Variants in LYNX1 observed in about 807,000 individuals in gnomAD.
LYNX1 encodes the protein Ly6/neurotoxin 1.
A neutral mutation model predicts 8.3 loss-of-function variants in LYNX1; 8 were observed. The ratio of observed to expected loss-of-function variants is 0.97; its 90% confidence interval spans 0.57 to 1.74. The LOEUF is 1.74. Among genes scored for constraint, LYNX1 ranks in the 40% most tolerant of loss-of-function variants. The pLI, the probability that LYNX1 is intolerant of heterozygous loss-of-function variation, is 0.00. For synonymous variants in LYNX1, 73 were observed against 67.9 expected (o/e 1.08, Z -0.37); for missense variants, 158 against 159.7 (o/e 0.99, Z 0.06).
Position 142,772,659 on chromosome 8 carries a change from C to T in LYNX1, c.*2508G>A. On this transcript the variant is annotated 3_prime_UTR_variant, in exon 4 of 4. Transcript: ENST00000652477. ...TCAGGGCCACAGTGCAGTGGGGGGA[C>T]CCACGTCCATCGCCACCTTGATGCA... The T allele has an allele frequency of 1.0e-6, 1 of 985,530 alleles. No homozygotes were observed. The highest frequency in any genetic ancestry group is 1.2e-6 in the Non-Finnish European group (1 of 830,004). 61.0% of individuals were successfully genotyped at this position (985,530 alleles called of 1,614,324 possible). A position where few individuals can be genotyped will look rare whatever the true frequency, so the allele number is the denominator to read the frequency against.
Position 142,774,271 on chromosome 8 carries a change from T to A in LYNX1, c.*896A>T. 2.0e-6 allele frequency: 2 copies of A among 985,220 alleles called. No individual in the cohort carries two copies. The highest frequency in any genetic ancestry group is 2.4e-6 in the Non-Finnish European group (2 of 829,892). The allele number at this position is 985,220 out of a possible 1,614,324, so 61.0% of individuals were successfully genotyped here. On this transcript the variant is annotated 3_prime_UTR_variant, in exon 4 of 4. Coordinates refer to ENST00000652477, the MANE Select transcript of LYNX1 (RefSeq NM_177477.4). ...TCCCAACCCCCAGCCTGTGCGCGCA[T>A]CCCCCAGTCCTGCGTCTTTTGCCTT...
At position 142,775,201 on chromosome 8, in the gene LYNX1, G is replaced by GGGGCCA. The variant is rs777615862; in HGVS notation, c.311_316dup (p.Leu104_Ala105dup). ...ACCCCAGAGGGTGGCCAGGAGGATG[G>GGGGCCA]GGGCCAGGGCCAGGGTGGCCGGGGT... On this transcript the variant is annotated inframe_insertion, in exon 4 of 4. Coordinates refer to ENST00000652477, the MANE Select transcript of LYNX1 (RefSeq NM_177477.4). 7 of 1,612,824 alleles carry GGGGCCA rather than the reference G, an allele frequency of 4.3e-6. No individual in the cohort carries two copies. The South Asian group carries it at 7.7e-5, about 18-fold the overall frequency.
chr8:142,772,591 G>C lies in LYNX1; in HGVS notation c.*2576C>G. On this transcript the variant is annotated 3_prime_UTR_variant, in exon 4 of 4. Transcript: ENST00000652477. ...TGCCTCTGTGTCCTCCTCTGTCAAA[G>C]GGGCAAGATAATGGCTCCCATTGCC... 1 of 985,614 alleles carries C rather than the reference G, an allele frequency of 1.0e-6. No individual in the cohort carries two copies. The highest frequency in any genetic ancestry group is 4.7e-5 in the South Asian group (1 of 21,296). The allele number at this position is 985,614 out of a possible 1,614,324, so 61.1% of individuals were successfully genotyped here.
At position 142,772,540 on chromosome 8, in the gene LYNX1, T is replaced by C. The variant is rs1162922219; in HGVS notation, c.*2627A>G. 2.0e-6 allele frequency: 2 copies of C among 985,384 alleles called. No homozygotes were observed. Among genetic ancestry groups the C allele is most frequent in the Non-Finnish European group, 2.4e-6 (2 of 829,996 alleles). The allele number at this position is 985,384 out of a possible 1,614,324, so 61.0% of individuals were successfully genotyped here. On this transcript the variant is annotated 3_prime_UTR_variant, in exon 4 of 4. Transcript: ENST00000652477. ...TGGTGAGTGAGCGAGGAGGCACTAG[T>C]GTGGGGCAGCTACTTCACCTCCCTG...
At position 142,775,951 on chromosome 8, in the gene LYNX1, G is replaced by C; in HGVS notation, c.7C>G (p.Pro3Ala). The C allele has an allele frequency of 6.2e-7, 1 of 1,614,126 alleles. No individual in the cohort carries two copies. The highest frequency in any genetic ancestry group is 1.1e-5 in the South Asian group (1 of 91,084). Residue 3 changes from proline (P) to alanine (A), a missense_variant, in exon 2 of 4, where the codon CCC becomes GCC. Pro to Ala is a conservative substitution (Grantham distance 27). Coordinates refer to ENST00000652477, the MANE Select transcript of LYNX1 (RefSeq NM_177477.4). MTPLLTLILVVLM... is the reference protein window; with the variant it reads MTALLTLILVVLM... The stretch of plus-strand genomic sequence containing the variant: ...ACCACCAGGATCAGGGTGAGCAGGG[G>C]CGTCATGGCTGCAGGCAGGAGGGCA...
chr8:142,774,985 C>T lies in LYNX1; in HGVS notation c.*182G>A. 2 of 1,434,386 alleles carry T rather than the reference C, an allele frequency of 1.4e-6. No homozygotes were observed. Among genetic ancestry groups the T allele is most frequent in the Non-Finnish European group, 1.8e-6 (2 of 1,098,622 alleles). 88.9% of individuals were successfully genotyped at this position (1,434,386 alleles called of 1,614,324 possible). A position where few individuals can be genotyped will look rare whatever the true frequency, so the allele number is the denominator to read the frequency against. On this transcript the variant is annotated 3_prime_UTR_variant, in exon 4 of 4. Coordinates refer to ENST00000652477, the MANE Select transcript of LYNX1 (RefSeq NM_177477.4). ...CCCACACAGCATCGAAAGGTCAAGGCCTCGAAGTGAGGTCGTGTGGTGGTT... is the reference window on the plus strand; with the variant it reads ...CCCACACAGCATCGAAAGGTCAAGGTCTCGAAGTGAGGTCGTGTGGTGGTT...
Position 142,771,892 on chromosome 8 carries a change from G to C in LYNX1, c.*3275C>G, listed in dbSNP as rs770401341. ...GACCCCAGGACAGACCAGAGCTCCT[G>C]CTGGAGCCGGGTGTCCCCATGCTGA... On this transcript the variant is annotated 3_prime_UTR_variant, in exon 4 of 4. Coordinates refer to ENST00000652477, the MANE Select transcript of LYNX1 (RefSeq NM_177477.4). 1.1e-5 allele frequency: 11 copies of C among 985,956 alleles called. No individual in the cohort carries two copies. The highest frequency in any genetic ancestry group is 1.7e-5 in the African/African-American group (1 of 57,328). 61.1% of individuals were successfully genotyped at this position (985,956 alleles called of 1,614,324 possible).
At chr8:142,776,209 G>A in intron 1 of LYNX1, 88 bp from the exon 2 acceptor site, 2 of 550,010 alleles carry the variant, frequency 3.6e-6, no homozygotes, top group South Asian at 2.0e-5. Context: ...GGGCAGAGGG[G>A]CCACCTAACT....
Position 142,774,570 on chromosome 8 carries a change from C to T in LYNX1, c.*597G>A, listed in dbSNP as rs61608258. On this transcript the variant is annotated 3_prime_UTR_variant, in exon 4 of 4. Coordinates refer to ENST00000652477, the MANE Select transcript of LYNX1 (RefSeq NM_177477.4). ...GCCCTGGGGCCTGCTGAGGCAGAGCCGCCCCCTCCCCTGCAGGGGGTGGCT... is the reference window on the plus strand; with the variant it reads ...GCCCTGGGGCCTGCTGAGGCAGAGCTGCCCCCTCCCCTGCAGGGGGTGGCT... 3,822 of 985,774 alleles carry T rather than the reference C, an allele frequency of 3.9e-3. 112 individuals are homozygous for T. The African/African-American group carries it at 0.06, about 15-fold the overall frequency. 61.1% of individuals were successfully genotyped at this position (985,774 alleles called of 1,614,324 possible).
chr8:142,771,535 G>T lies in LYNX1; in HGVS notation c.*3632C>A. The T allele has an allele frequency of 1.0e-6, 1 of 985,398 alleles. No homozygotes were observed. Among genetic ancestry groups the T allele is most frequent in the Non-Finnish European group, 1.2e-6 (1 of 829,942 alleles). 61.0% of individuals were successfully genotyped at this position (985,398 alleles called of 1,614,324 possible). ...CTCTGTCCACCCTTCTGTCTGGGAG[G>T]CTCCTTAAGGCTGGGGAGGGCCCAG... On this transcript the variant is annotated 3_prime_UTR_variant, in exon 4 of 4. Transcript: ENST00000652477.
rs1053853956 is a variant in LYNX1, at chr8:142,774,025, G to A, written c.*1142C>T. ...CAGGCCTGGGGTGGGGTCCCTGGGA[G>A]TCCACACACCCAGCTGGGGCTTCCA... is the stretch of plus-strand genomic sequence containing the variant. On this transcript the variant is annotated 3_prime_UTR_variant, in exon 4 of 4. Coordinates refer to ENST00000652477, the MANE Select transcript of LYNX1 (RefSeq NM_177477.4). 3 of 985,418 alleles carry A rather than the reference G, an allele frequency of 3.0e-6. No homozygotes were observed. The highest frequency in any genetic ancestry group is 1.2e-4 in the Admixed American group (2 of 16,270). 61.0% of individuals were successfully genotyped at this position (985,418 alleles called of 1,614,324 possible). A position where few individuals can be genotyped will look rare whatever the true frequency, so the allele number is the denominator to read the frequency against.
rs1815350926 is a variant in LYNX1 at position 142,775,187 on chromosome 8, TGGCCAGGAGGATGGGGGCCAG to T, written c.310_330del (p.Leu104_Ala110del). ...GGGCTTTAGAGGAGACCCCAGAGGG[TGGCCAGGAGGATGGGGGCCAG>T]GGCCAGGGTGGCCGGGGTGGCAAGG... On this transcript the variant is annotated inframe_deletion, in exon 4 of 4. Coordinates refer to ENST00000652477, the MANE Select transcript of LYNX1 (RefSeq NM_177477.4). The T allele has an allele frequency of 6.2e-7, 1 of 1,611,722 alleles. No homozygotes were observed. The highest frequency in any genetic ancestry group is 1.3e-5 in the African/African-American group (1 of 74,820).
At position 142,774,277 on chromosome 8, in the gene LYNX1, A is replaced by G; in HGVS notation, c.*890T>C. ...CCCCCAGCCTGTGCGCGCATCCCCCAGTCCTGCGTCTTTTGCCTTGCTCGG... is the reference window on the plus strand; with the variant it reads ...CCCCCAGCCTGTGCGCGCATCCCCCGGTCCTGCGTCTTTTGCCTTGCTCGG... On this transcript the variant is annotated 3_prime_UTR_variant, in exon 4 of 4. Transcript: ENST00000652477. 1 of 985,140 alleles carries G rather than the reference A, an allele frequency of 1.0e-6. No homozygotes were observed. Among genetic ancestry groups the G allele is most frequent in the South Asian group, 4.7e-5 (1 of 21,274 alleles). The allele number at this position is 985,140 out of a possible 1,614,324, so 61.0% of individuals were successfully genotyped here. A position where few individuals can be genotyped will look rare whatever the true frequency, so the allele number is the denominator to read the frequency against.
Position 142,773,931 on chromosome 8 carries a change from G to A in LYNX1, c.*1236C>T. 1 of 985,424 alleles carries A rather than the reference G, an allele frequency of 1.0e-6. No homozygotes were observed. The highest frequency in any genetic ancestry group is 5.2e-4 in the Middle Eastern group (1 of 1,918). The allele number at this position is 985,424 out of a possible 1,614,324, so 61.0% of individuals were successfully genotyped here. A position where few individuals can be genotyped will look rare whatever the true frequency, so the allele number is the denominator to read the frequency against. On this transcript the variant is annotated 3_prime_UTR_variant, in exon 4 of 4. Coordinates refer to ENST00000652477, the MANE Select transcript of LYNX1 (RefSeq NM_177477.4). ...GCCCCCGAATGCCCCATTCACAGCA[G>A]GGGCAGGTGCTCCCTGGGCTACCTG...
At position 142,774,184 on chromosome 8, in the gene LYNX1, G is replaced by T; in HGVS notation, c.*983C>A. 4 of 734,476 alleles carry T rather than the reference G, an allele frequency of 5.4e-6. No homozygotes were observed. Among genetic ancestry groups the T allele is most frequent in the Non-Finnish European group, 6.2e-6 (4 of 647,464 alleles). The allele number at this position is 734,476 out of a possible 1,614,324, so 45.5% of individuals were successfully genotyped here. On this transcript the variant is annotated 3_prime_UTR_variant, in exon 4 of 4. Transcript: ENST00000652477. ...ACCCTCCCCACTCCCGCCCCCGCAC[G>T]GCCACGAGAGGGTGGCATGCTCCGC...
At position 142,775,968 on chromosome 8, in the gene LYNX1, A is replaced by G. The variant is rs755732033; in HGVS notation, c.-11T>C. ...GAGCAGGGGCGTCATGGCTGCAGGC[A>G]GGAGGGCAGCGTGGGAGTGGGGAGG... On this transcript the variant is annotated 5_prime_UTR_variant, in exon 2 of 4. Transcript: ENST00000652477. The G allele has an allele frequency of 1.5e-5, 25 of 1,613,820 alleles. No homozygotes were observed. Among genetic ancestry groups the G allele is most frequent in the Non-Finnish European group, 1.9e-5 (23 of 1,180,026 alleles).
At position 142,771,483 on chromosome 8, in the gene LYNX1, C is replaced by T. The variant is rs779900586; in HGVS notation, c.*3684G>A. 4.3e-4 allele frequency: 420 copies of T among 985,262 alleles called. No individual in the cohort carries two copies. The highest frequency in any genetic ancestry group is 5.6e-4 in the South Asian group (12 of 21,282). 61.0% of individuals were successfully genotyped at this position (985,262 alleles called of 1,614,324 possible). On this transcript the variant is annotated 3_prime_UTR_variant, in exon 4 of 4. Transcript: ENST00000652477. ...CAGGGCTGTCCACAGGGAGGACCCC[C>T]GTGTGTCTCTCGGGCTGCCCAGGTG... is the stretch of plus-strand genomic sequence containing the variant.
upstream of LYNX1, chr8:142,777,367 C>CCCCGCCTCGGA (rs1554646650): frequency 1.2e-4 from 11 of 93,116 alleles, no homozygotes; most frequent in African/African-American, 4.6e-4. Flanking sequence ...TCACCGCAGG[C>CCCCGCCTCGGA]CCCGCCCCGG....
Position 142,773,991 on chromosome 8 carries a change from C to T in LYNX1, c.*1176G>A, listed in dbSNP as rs1174142816. On this transcript the variant is annotated 3_prime_UTR_variant, in exon 4 of 4. Transcript: ENST00000652477. ...TGGATTGGTGCGTGTTGGGCTGACCCCTGCTTCCCAGGCCTGGGGTGGGGT... is the reference window on the plus strand; with the variant it reads ...TGGATTGGTGCGTGTTGGGCTGACCTCTGCTTCCCAGGCCTGGGGTGGGGT... 2.0e-6 allele frequency: 2 copies of T among 985,340 alleles called. No homozygotes were observed. Among genetic ancestry groups the T allele is most frequent in the African/African-American group, 1.7e-5 (1 of 57,230 alleles). 61.0% of individuals were successfully genotyped at this position (985,340 alleles called of 1,614,324 possible).
Sources: gnomAD v4.1 joint callset for allele counts on GRCh38, gnomAD v4.1.1 for gene constraint, MANE v1.5 for transcripts, NCBI Gene and HGNC (gene_info 2026-07-23, HGNC 2026-07-21) for gene names.